The following ARHGEF33 variants were observed in gnomAD, a reference collection of about 807,000 sequenced individuals.
ARHGEF33 encodes Rho guanine nucleotide exchange factor 33.
A neutral mutation model predicts 101.9 loss-of-function variants in ARHGEF33; 72 were observed. That is an observed-to-expected ratio of 0.71 (90% CI 0.58 to 0.86). ARHGEF33 has a LOEUF of 0.86. ARHGEF33 is among the 40% of genes least tolerant of loss of function. The pLI is 0.00. For synonymous variants in ARHGEF33, 499 were observed against 442.5 expected (o/e 1.13, Z -1.60); for missense variants, 1,169 against 1,111.3 (o/e 1.05, Z -0.74).
intron 17 of ARHGEF33, among the ~76,000 whole-genome samples, chr2:38,971,377 G>A (rs1271305169): frequency 2.0e-5 from 3 of 152,152 alleles, no homozygotes; most frequent in African/African-American, 7.2e-5. Context: ...CTTCCCCAGC[G>A]AGTGTTTGCC....
intron 15 of ARHGEF33, chr2:38,959,599 G>A (rs964581335): frequency 6.7e-6 from 3 of 449,650 alleles, no homozygotes; most frequent in African/African-American, 6.0e-5. Context: ...ACAGTCCCTG[G>A]CCCGCAGGCC....
At chr2:38,964,696 C>T (rs1209234303) in intron 16 of ARHGEF33, among the ~76,000 whole-genome samples, 2 of 152,014 alleles carry the variant, frequency 1.3e-5, no homozygotes, top group East Asian at 1.9e-4. Context: ...GATGAAGCTT[C>T]GCTTGCTCAC....
intron 9 of ARHGEF33, among the ~76,000 whole-genome samples, chr2:38,940,724 G>A (rs1667283326): frequency 6.6e-6 from 1 of 152,158 alleles, no homozygotes; most frequent in African/African-American, 2.4e-5. Context: ...TACTGCAACT[G>A]CTGTATTGCA....
At chr2:38,893,171 TTTC>T (rs1425847577) in intron 1 of ARHGEF33, among the ~76,000 whole-genome samples, 1 of 151,702 alleles carries the variant, frequency 6.6e-6, no homozygotes, top group Non-Finnish European at 1.5e-5. Context: ...TTTTTTTTTT[TTTC>T]TTTTTTTGAG....
chr2:38,927,247 A>G (rs577422434), intron 4 of ARHGEF33, among the ~76,000 whole-genome samples: 56 of 152,314 alleles, frequency 3.7e-4, no homozygotes, highest in African/African-American at 1.3e-3. Context: ...TATTTTAAAA[A>G]TGTGATATAG....
At chr2:38,917,010 G>T (rs1458989615) in intron 2 of ARHGEF33, among the ~76,000 whole-genome samples, 1 of 151,752 alleles carries the variant, frequency 6.6e-6, no homozygotes, top group Admixed American at 6.6e-5. Context: ...ATGTTGGCCA[G>T]GCTGGTCTGG....
At chr2:38,890,968 G>GTTTTT (rs11380408) in intron 1 of ARHGEF33, among the ~76,000 whole-genome samples, 1 of 145,002 alleles carries the variant, frequency 6.9e-6, no homozygotes, top group African/African-American at 2.5e-5. Flanking sequence ...CATACTATTG[G>GTTTTT]TTTTTTTTTT....
chr2:38,954,272 C>G lies in ARHGEF33; in HGVS notation c.1138-101C>G. 4.3e-6 allele frequency: 3 copies of G among 694,014 alleles called. No individual in the cohort carries two copies. In the South Asian group the frequency reaches 5.3e-5, roughly 12 times the overall value. 43.0% of individuals were successfully genotyped at this position (694,014 alleles called of 1,614,324 possible). Reference sequence around the variant, plus strand: ...TATGACAATCTCTGGGAAGAAAATGCTCTGGGAGGAAACCCTTCCTACCCT... The same window carrying G: ...TATGACAATCTCTGGGAAGAAAATGGTCTGGGAGGAAACCCTTCCTACCCT... On this transcript the variant is annotated intron_variant, in intron 12 of 17. Transcript: ENST00000409978.
At chr2:38,927,050 T>C (rs1477847710) in intron 4 of ARHGEF33, among the ~76,000 whole-genome samples, 1 of 152,184 alleles carries the variant, frequency 6.6e-6, no homozygotes. Flanking sequence ...CCAAAATCCA[T>C]TGCAAAGATT....
At chr2:38,933,999 A>G (rs996146823) in intron 7 of ARHGEF33, among the ~76,000 whole-genome samples, 1 of 152,224 alleles carries the variant, frequency 6.6e-6, no homozygotes, top group African/African-American at 2.4e-5. Context: ...TCCCCACTCA[A>G]GAAACTCTCA....
chr2:38,890,964 A>G (rs1312171165), intron 1 of ARHGEF33, among the ~76,000 whole-genome samples: 1 of 70,522 alleles, frequency 1.4e-5, no homozygotes, highest in Non-Finnish European at 3.1e-5. Context: ...TGACCATACT[A>G]TTGGTTTTTT....
rs1013590519 is a variant in ARHGEF33, at chr2:38,922,451, C to T, written c.75+1028C>T. ...GTAAAGTGAAAATGACAACTACTTC[C>T]CAGAATTATCATGTAAGAGACCATT... On this transcript the variant is annotated intron_variant, in intron 4 of 17. Coordinates refer to ENST00000409978, the MANE Select transcript of ARHGEF33 (RefSeq NM_001145451.5). Among the ~76,000 whole-genome samples the T allele has an allele frequency of 3.9e-5, 6 of 152,174 alleles. No homozygotes were observed. The East Asian group carries it at 5.8e-4, about 15-fold the overall frequency.
At position 38,937,468 on chromosome 2, in the gene ARHGEF33, C is replaced by T. The variant is rs372530806; in HGVS notation, c.699C>T (p.Tyr233=). The change falls in exon 9 of 18, where the codon TAC becomes TAT. Residue 233 remains tyrosine, a synonymous_variant. Transcript: ENST00000409978. ...PKDGKEWGEE[Y]VTKDHPDKLK... The stretch of plus-strand genomic sequence containing the variant: ...ATGGTAAAGAATGGGGTGAAGAATA[C>T]GTCACAAAAGACCACCCAGATAAAC... The T allele has an allele frequency of 1.1e-5, 17 of 1,549,696 alleles. No homozygotes were observed. The highest frequency in any genetic ancestry group is 1.7e-4 in the Middle Eastern group (1 of 5,908).
rs532952690 is a variant in ARHGEF33 at position 38,936,336 on chromosome 2, C to A, written c.565+502C>A. On this transcript the variant is annotated intron_variant, in intron 8 of 17. Transcript: ENST00000409978. ...ATTATTTAAGCTTCCCTCTCTCCTT[C>A]CTTTCTAGCATTAGGGTCAAGGGAA... Among the ~76,000 whole-genome samples, 4 of 152,298 alleles carry A rather than the reference C, an allele frequency of 2.6e-5. 1 individual carries two copies. In the South Asian group the frequency reaches 8.3e-4, roughly 32 times the overall value.
intron 4 of ARHGEF33, among the ~76,000 whole-genome samples, chr2:38,923,092 C>T (rs1666796594): frequency 6.6e-6 from 1 of 152,106 alleles, no homozygotes; most frequent in Non-Finnish European, 1.5e-5. Context: ...GTAGGTCACT[C>T]CCTGAATGTT....
chr2:38,902,210 G>T (rs966180607), intron 2 of ARHGEF33, among the ~76,000 whole-genome samples: 6 of 151,668 alleles, frequency 4.0e-5, no homozygotes, highest in African/African-American at 1.5e-4. Context: ...TATTAGCTGA[G>T]AACAGATTAA....
At position 38,974,853 on chromosome 2, in the gene ARHGEF33, TCTTAAAG is replaced by T. The variant is rs569038329; in HGVS notation, c.*1015_*1021del. 3.3e-5 allele frequency: 5 copies of T among 152,220 alleles called. No homozygotes were observed. In the East Asian group the frequency reaches 9.6e-4, roughly 29 times the overall value. 9.4% of individuals were successfully genotyped at this position (152,220 alleles called of 1,614,324 possible). A position where few individuals can be genotyped will look rare whatever the true frequency, so the allele number is the denominator to read the frequency against. On this transcript the variant is annotated 3_prime_UTR_variant, in exon 18 of 18. Transcript: ENST00000409978. ...TTCCTATTTTGTAAAGAAACCAAGC[TCTTAAAG>T]CTTAGAGGAATCAGATTGCAACGAG...
intron 13 of ARHGEF33, 68 bp downstream of exon 13, chr2:38,954,524 C>A (rs1667691253): frequency 5.9e-6 from 5 of 846,036 alleles, no homozygotes; most frequent in Non-Finnish European, 7.9e-6. Context: ...TGGCTCCCAA[C>A]TGAGAAATAC....
intron 9 of ARHGEF33, among the ~76,000 whole-genome samples, chr2:38,938,538 C>CA (rs924809051): frequency 2.6e-5 from 4 of 151,968 alleles, no homozygotes; most frequent in Non-Finnish European, 5.9e-5. Context: ...GACCCTAACT[C>CA]AAAAAAATAA....
Sources: gnomAD v4.1 joint callset for allele counts (sites outside exome capture counted in the v4.1 genomes callset) on GRCh38, gnomAD v4.1.1 for gene constraint, MANE v1.5 for transcripts, NCBI Gene and HGNC (gene_info 2026-07-23, HGNC 2026-07-21) for gene names.